The following PLD1 variants were observed in gnomAD, a reference collection of about 807,000 sequenced individuals.
PLD1 encodes choline phosphatase 1.
PLD1 carries 112 observed loss-of-function variants against 137.1 expected under a neutral mutation model. The ratio of observed to expected loss-of-function variants is 0.82; its 90% CI spans 0.70 to 0.96. The LOEUF is 0.96. Among genes scored for constraint, PLD1 ranks in the 40% least tolerant of loss-of-function variants. The probability of loss-of-function intolerance (pLI) is 0.00; values close to 1 mark genes in which losing one functional copy is unlikely to be tolerated. For synonymous variants in PLD1, 431 were observed against 454.7 expected (o/e 0.95, Z 0.66); for missense variants, 1,321 against 1,342.0 (o/e 0.98, Z 0.24).
chr3:171,787,592 A>C (rs914864037), intron 1 of PLD1, among the ~76,000 whole-genome samples: 5 of 152,148 alleles, frequency 3.3e-5, no homozygotes, highest in African/African-American at 1.2e-4. Flanking sequence ...TTTATAACTC[A>C]TTTGAATGTC....
intron 1 of PLD1, among the ~76,000 whole-genome samples, chr3:171,748,155 G>A (rs993950512): frequency 5.3e-5 from 8 of 152,138 alleles, no homozygotes; most frequent in Non-Finnish European, 1.2e-4. Flanking sequence ...TCCTGCCCCT[G>A]TAAATGACAA....
intron 16 of PLD1, among the ~76,000 whole-genome samples, chr3:171,685,913 G>A (rs1472333353): frequency 6.6e-6 from 1 of 152,110 alleles, no homozygotes; most frequent in East Asian, 1.9e-4. Flanking sequence ...GAGGTCAGGG[G>A]TTCAACACAA....
Position 171,601,974 on chromosome 3 carries a change from C to T in PLD1, c.*1104G>A, listed in dbSNP as rs1731859810. 6.6e-6 allele frequency: 1 copy of T among 152,188 alleles called. No homozygotes were observed. Among genetic ancestry groups the T allele is most frequent in the African/African-American group, 2.4e-5 (1 of 41,460 alleles). 9.4% of individuals were successfully genotyped at this position (152,188 alleles called of 1,614,324 possible). A position where few individuals can be genotyped will look rare whatever the true frequency, so the allele number is the denominator to read the frequency against. ...ATTTAATAATGTAAGTGAAGTAGCA[C>T]ATATTTTATAATCAATTAATTTTTC... On this transcript the variant is annotated 3_prime_UTR_variant, in exon 27 of 27. Coordinates refer to ENST00000351298, the MANE Select transcript of PLD1 (RefSeq NM_002662.5).
intron 1 of PLD1, among the ~76,000 whole-genome samples, chr3:171,777,118 T>C (rs998608235): frequency 6.6e-6 from 1 of 152,254 alleles, no homozygotes; most frequent in African/African-American, 2.4e-5. Flanking sequence ...AGTTACAATG[T>C]AAATTACTAT....
At chr3:171,749,456 T>A (rs1720501643) in intron 1 of PLD1, among the ~76,000 whole-genome samples, 1 of 152,178 alleles carries the variant, frequency 6.6e-6, no homozygotes. Context: ...GGAACTGTGG[T>A]TAACTACAAA....
rs560537715 is a variant in PLD1, at chr3:171,602,174, G to A, written c.*904C>T. 2 of 151,856 alleles carry A rather than the reference G, an allele frequency of 1.3e-5. No individual in the cohort carries two copies. Among genetic ancestry groups the A allele is most frequent in the South Asian group, 2.1e-4 (1 of 4,762 alleles). 9.4% of individuals were successfully genotyped at this position (151,856 alleles called of 1,614,324 possible). ...ATCAACCCAGCAGCTAAGGATGACA[G>A]GAAATTTTACAGGACTAGAAGGAAT... On this transcript the variant is annotated 3_prime_UTR_variant, in exon 27 of 27. Coordinates refer to ENST00000351298, the MANE Select transcript of PLD1 (RefSeq NM_002662.5).
intron 1 of PLD1, among the ~76,000 whole-genome samples, chr3:171,790,639 A>G (rs1723177645): frequency 6.6e-6 from 1 of 152,200 alleles, no homozygotes; most frequent in South Asian, 2.1e-4. Flanking sequence ...GAATTATGAG[A>G]CAGGGCCTGC....
chr3:171,727,020 G>A (rs1179200030), intron 6 of PLD1, among the ~76,000 whole-genome samples: 1 of 152,172 alleles, frequency 6.6e-6, no homozygotes, highest in Non-Finnish European at 1.5e-5. Flanking sequence ...ACGAATAACT[G>A]TGGCTGTGTT....
chr3:171,763,550 G>T (rs1428257579), intron 1 of PLD1, among the ~76,000 whole-genome samples: 2 of 101,214 alleles, frequency 2.0e-5, no homozygotes, highest in Non-Finnish European at 3.9e-5. Flanking sequence ...GAGGGGAGGG[G>T]AGGGGAGAGA....
intron 1 of PLD1, among the ~76,000 whole-genome samples, chr3:171,798,092 C>T (rs1226656314): frequency 6.6e-6 from 1 of 152,158 alleles, no homozygotes; most frequent in Non-Finnish European, 1.5e-5. Context: ...AACACCGCTA[C>T]TTAAGTAAGA....
chr3:171,647,575 GA>G (rs1187857311), intron 21 of PLD1, among the ~76,000 whole-genome samples: 2 of 151,858 alleles, frequency 1.3e-5, no homozygotes, highest in Non-Finnish European at 2.9e-5. Context: ...TCAGCCTCTT[GA>G]GTAGCTGGGA....
rs980973638 is a variant in PLD1 at position 171,806,966 on chromosome 3, G to T, written c.-32+3433C>A. On this transcript the variant is annotated intron_variant, in intron 1 of 26. Transcript: ENST00000351298. ...ATTAGGTCTTTCCTGCTGTAGATAAGATTTGTTAAACAGTCTGGCTATGGC... is the reference window on the plus strand; with the variant it reads ...ATTAGGTCTTTCCTGCTGTAGATAATATTTGTTAAACAGTCTGGCTATGGC... Among the ~76,000 whole-genome samples, 3 of 152,158 alleles carry T rather than the reference G, an allele frequency of 2.0e-5. No individual in the cohort carries two copies. In the South Asian group the frequency reaches 6.2e-4, roughly 32 times the overall value.
intron 19 of PLD1, among the ~76,000 whole-genome samples, chr3:171,672,573 C>T (rs1712894165): frequency 1.3e-5 from 2 of 151,822 alleles, no homozygotes; most frequent in Admixed American, 6.6e-5. Flanking sequence ...CTGCAGTCTC[C>T]ACCTCCTGGG....
chr3:171,806,782 C>G (rs1366619200), intron 1 of PLD1, among the ~76,000 whole-genome samples: 1 of 152,172 alleles, frequency 6.6e-6, no homozygotes, highest in Non-Finnish European at 1.5e-5. Context: ...CTATAGAGGA[C>G]AACACTGACA....
At chr3:171,650,571 T>C (rs550664470) in intron 21 of PLD1, among the ~76,000 whole-genome samples, 49 of 152,162 alleles carry the variant, frequency 3.2e-4, no homozygotes, top group African/African-American at 1.2e-3. Flanking sequence ...ACCCTGATGC[T>C]GAATATAGAA....
intron 1 of PLD1, chr3:171,793,430 A>G (rs1057094084): frequency 6.6e-5 from 10 of 152,360 alleles, no homozygotes; most frequent in Admixed American, 3.3e-4. Flanking sequence ...TTACTTTTCT[A>G]TATTTTAATA....
intron 13 of PLD1, 91 bp downstream of exon 13, chr3:171,692,241 C>A: frequency 1.5e-6 from 1 of 655,264 alleles, no homozygotes; most frequent in Non-Finnish European, 2.8e-6. Context: ...TTTGGGCATT[C>A]TATAGATTAT....
At chr3:171,633,777 G>A (rs1734879490) in intron 23 of PLD1, among the ~76,000 whole-genome samples, 1 of 151,912 alleles carries the variant, frequency 6.6e-6, no homozygotes, top group African/African-American at 2.4e-5. Context: ...AAAACTTCTG[G>A]CCCTTATCTT....
intron 12 of PLD1, among the ~76,000 whole-genome samples, chr3:171,699,121 AT>A (rs1716024673): frequency 6.6e-6 from 1 of 152,218 alleles, no homozygotes; most frequent in African/African-American, 2.4e-5. Flanking sequence ...CATTAAAAAA[AT>A]CACTAGAAAT....
Sources: allele counts gnomAD v4.1 joint callset (sites outside exome capture counted in the v4.1 genomes callset), GRCh38; gene constraint gnomAD v4.1.1; transcripts MANE v1.5; gene names NCBI Gene and HGNC (gene_info 2026-07-23, HGNC 2026-07-21).